Variants in CECR2 observed in about 807,000 individuals in gnomAD.
CECR2 encodes the protein CECR2 histone acetyl-lysine reader.
In CECR2, 30 loss-of-function variants were observed where a neutral mutation model predicts 154.5. The observed-to-expected ratio is 0.19, with a 90% CI of 0.15 to 0.26. The LOEUF is 0.26. Among genes scored for constraint, CECR2 ranks in the 10% least tolerant of loss-of-function variants. CECR2 has a pLI of 1.00. For missense variants in CECR2, 1,743 were observed against 1,829.3 expected (o/e 0.95, Z 0.86); for synonymous variants, 725 against 683.7 (o/e 1.06, Z -0.94).
At chr22:17,534,222 A>ATCT (rs2056402640) in intron 9 of CECR2, among the ~76,000 whole-genome samples, 1 of 152,094 alleles carries the variant, frequency 6.6e-6, no homozygotes, top group Non-Finnish European at 1.5e-5. Flanking sequence ...GCCACTCAGG[A>ATCT]GTCTGATGTG....
At chr22:17,420,344 T>A (rs1368591991) in intron 1 of CECR2, among the ~76,000 whole-genome samples, 1 of 152,206 alleles carries the variant, frequency 6.6e-6, no homozygotes, top group Non-Finnish European at 1.5e-5. Context: ...CCCTTGTCAT[T>A]TCTCTCAGTG....
At chr22:17,428,798 TTGTGTGTGTGTG>T (rs60474818) in intron 1 of CECR2, among the ~76,000 whole-genome samples, 3 of 136,334 alleles carry the variant, frequency 2.2e-5, no homozygotes, top group African/African-American at 5.8e-5. Flanking sequence ...ATGTTTTTAT[TTGTGTGTGTGTG>T]TGTGTGTGTG....
chr22:17,400,022 A>G (rs889690948), intron 1 of CECR2, among the ~76,000 whole-genome samples: 2 of 152,036 alleles, frequency 1.3e-5, no homozygotes, highest in South Asian at 4.2e-4. Context: ...TCATAGTTGG[A>G]TGTATTTTAT....
intron 1 of CECR2, chr22:17,418,570 T>C (rs2054189466): frequency 6.4e-6 from 1 of 157,396 alleles, no homozygotes; most frequent in Admixed American, 6.5e-5. Flanking sequence ...ATCATGTAAC[T>C]AACTTTGTTT....
chr22:17,493,213 C>G (rs2055562125), intron 2 of CECR2, among the ~76,000 whole-genome samples: 1 of 152,182 alleles, frequency 6.6e-6, no homozygotes, highest in African/African-American at 2.4e-5. Flanking sequence ...CTCAAGTGAT[C>G]TGCCCATCTC....
intron 1 of CECR2, among the ~76,000 whole-genome samples, chr22:17,450,890 C>T (rs916991417): frequency 5.3e-5 from 8 of 152,264 alleles, no homozygotes; most frequent in African/African-American, 1.9e-4. Flanking sequence ...CCTGCTGCTA[C>T]TCTAGTCCAG....
intron 1 of CECR2, among the ~76,000 whole-genome samples, chr22:17,461,271 TAA>T (rs1361019199): frequency 2.0e-5 from 3 of 152,236 alleles, no homozygotes; most frequent in African/African-American, 7.2e-5. Flanking sequence ...TTACTGATAT[TAA>T]GTTTGATTCC....
intron 1 of CECR2, among the ~76,000 whole-genome samples, chr22:17,445,575 T>TATG (rs2054648110): frequency 7.0e-6 from 1 of 143,272 alleles, no homozygotes; most frequent in Non-Finnish European, 1.5e-5. Flanking sequence ...TTATTATTAT[T>TATG]ATTATTATTA....
chr22:17,505,534 C>CTTTTTTTTTT (rs11387639), intron 7 of CECR2, among the ~76,000 whole-genome samples: 24 of 98,840 alleles, frequency 2.4e-4, no homozygotes, highest in African/African-American at 3.7e-4. Context: ...CCTCTTTTTC[C>CTTTTTTTTTT]TTTTTTTTTT....
chr22:17,397,486 G>A (rs919291644), intron 1 of CECR2, among the ~76,000 whole-genome samples: 18 of 152,000 alleles, frequency 1.2e-4, no homozygotes, highest in Middle Eastern at 3.4e-3. Context: ...CAAACCCTAC[G>A]TATAAACACA....
rs959806388 is a variant in CECR2, at chr22:17,400,474, A to G, written c.126+30565A>G. 3.8e-4 allele frequency among the ~76,000 whole-genome samples: 58 copies of G among 152,032 alleles called. 1 individual carries two copies. Among genetic ancestry groups the G allele is most frequent in the Non-Finnish European group, 1.3e-4 (9 of 68,004 alleles). ...TTAGAGAAGCTAGGCACACCTGCCAACTCTCTTTATCCTTAGGAGGCTCTT... is the reference window on the plus strand; with the variant it reads ...TTAGAGAAGCTAGGCACACCTGCCAGCTCTCTTTATCCTTAGGAGGCTCTT... On this transcript the variant is annotated intron_variant, in intron 1 of 18. Coordinates refer to ENST00000262608, the MANE Select transcript of CECR2 (RefSeq NM_001290047.2).
At chr22:17,481,671 C>T (rs2055321098) in intron 2 of CECR2, among the ~76,000 whole-genome samples, 1 of 152,116 alleles carries the variant, frequency 6.6e-6, no homozygotes, top group African/African-American at 2.4e-5. Context: ...ACCTCATGTA[C>T]GACAGTGGTC....
At chr22:17,448,676 T>G (rs982420649) in intron 1 of CECR2, among the ~76,000 whole-genome samples, 1 of 152,184 alleles carries the variant, frequency 6.6e-6, no homozygotes, top group African/African-American at 2.4e-5. Context: ...GTTGCTGTTT[T>G]CCTTTGTCCA....
At chr22:17,401,564 G>A (rs2053891939) in intron 1 of CECR2, among the ~76,000 whole-genome samples, 1 of 151,860 alleles carries the variant, frequency 6.6e-6, no homozygotes, top group Non-Finnish European at 1.5e-5. Flanking sequence ...TTTTACATGA[G>A]ATATACGCTC....
chr22:17,486,392 T>A (rs1224594903), intron 2 of CECR2, among the ~76,000 whole-genome samples: 2 of 152,238 alleles, frequency 1.3e-5, no homozygotes, highest in Non-Finnish European at 2.9e-5. Flanking sequence ...GGCGTGGGGC[T>A]GGACTCCGAG....
At chr22:17,422,588 A>G (rs1316739424) in intron 1 of CECR2, among the ~76,000 whole-genome samples, 2 of 151,990 alleles carry the variant, frequency 1.3e-5, no homozygotes, top group Admixed American at 6.6e-5. Flanking sequence ...ATTTTCAGTC[A>G]TTGTTGTTTT....
intron 8 of CECR2, among the ~76,000 whole-genome samples, chr22:17,518,125 C>G (rs1031057777): frequency 6.8e-6 from 1 of 147,668 alleles, no homozygotes; most frequent in Admixed American, 6.8e-5. Flanking sequence ...TCCCATCAGT[C>G]TCTTCTACTT....
At chr22:17,546,114 A>T (rs971249002) in intron 16 of CECR2, among the ~76,000 whole-genome samples, 5 of 152,158 alleles carry the variant, frequency 3.3e-5, no homozygotes, top group African/African-American at 1.2e-4. Flanking sequence ...TTTTGTGGAA[A>T]GTCCTACTTT....
rs779194271 is a variant in CECR2, at chr22:17,552,104, G to A, written c.4351G>A (p.Val1451Met). 3.8e-5 allele frequency: 61 copies of A among 1,613,836 alleles called. 1 individual carries two copies. In the South Asian group the frequency reaches 6.4e-4, roughly 17 times the overall value. ...TPTAATSQEE[V>M]PPHKPPTLPL... is the part of the protein sequence containing the mutation. ...CACAGCAGCAACATCACAGGAGGAG[G>A]TGCCGCCTCATAAGCCTCCAACACT... is the stretch of plus-strand genomic sequence containing the variant. The change falls in exon 18 of 19, where the codon GTG (valine) becomes ATG (methionine). Residue 1451 changes from valine (V) to methionine (M), a missense_variant. By Grantham distance (21) the Val-to-Met change is conservative (BLOSUM62 1). This residue lies in a region of CECR2 where 1,250 missense variants were observed against 1,192.1 expected (regional missense o/e 1.05). Transcript: ENST00000262608.
Sources: allele counts gnomAD v4.1 joint callset (sites outside exome capture counted in the v4.1 genomes callset), GRCh38; gene constraint gnomAD v4.1.1; regional missense constraint gnomAD v4.1.1; transcripts MANE v1.5; gene names NCBI Gene and HGNC (gene_info 2026-07-23, HGNC 2026-07-21).